SLC17A5: variants seen among roughly 807,000 people sequenced by gnomAD.
The protein encoded by SLC17A5 is solute carrier family 17 member 5.
SLC17A5 carries 47 observed loss-of-function variants against 59.4 expected under a neutral mutation model. The ratio of observed to expected loss-of-function variants is 0.79; its 90% CI spans 0.63 to 1.01. SLC17A5 has a LOEUF of 1.01. Among genes scored for constraint, SLC17A5 ranks in the 50% least tolerant of loss-of-function variants. SLC17A5 has a pLI of 0.00. For missense variants in SLC17A5, 522 were observed against 595.5 expected (o/e 0.88, Z 1.28); for synonymous variants, 202 against 210.7 (o/e 0.96, Z 0.36).
intron 1 of SLC17A5, among the ~76,000 whole-genome samples, chr6:73,652,767 C>T (rs1246579644): frequency 1.3e-5 from 2 of 150,936 alleles, no homozygotes; most frequent in African/African-American, 2.4e-5. Context: ...TATAAGGTTG[C>T]CACCTCTACT....
chr6:73,629,474 T>G (rs1347666095), intron 6 of SLC17A5, among the ~76,000 whole-genome samples: 4 of 151,496 alleles, frequency 2.6e-5, no homozygotes, highest in Admixed American at 2.6e-4. Flanking sequence ...ATCCTTGGAA[T>G]TAAGAAAAGA....
At position 73,653,741 on chromosome 6, in the gene SLC17A5, C is replaced by T. The variant is rs1769981317; in HGVS notation, c.94+52G>A. The stretch of plus-strand genomic sequence containing the variant: ...CGGGCCATGCCGGCCCAGAGACCGC[C>T]GCCCCCGGTACCGCTGCCCACTCGA... On this transcript the variant is annotated intron_variant, in intron 1 of 10. Transcript: ENST00000355773. 10 of 1,500,152 alleles carry T rather than the reference C, an allele frequency of 6.7e-6. No individual in the cohort carries two copies. The East Asian group carries it at 2.5e-4, about 37-fold the overall frequency. 92.9% of individuals were successfully genotyped at this position (1,500,152 alleles called of 1,614,324 possible).
Position 73,641,856 on chromosome 6 carries a change from G to A in SLC17A5, c.360C>T (p.Ile120=). The part of the protein sequence containing the change: ...WILGSFFYGY[I]ITQIPGGYVA... Reference sequence around the variant, plus strand: ...CATATCCTCCAGGAATCTGTGTGATGATGTAGCCATAAAAAAAGGAACCGA... The same window carrying A: ...CATATCCTCCAGGAATCTGTGTGATAATGTAGCCATAAAAAAAGGAACCGA... Residue 120 remains isoleucine, a synonymous_variant, in exon 3 of 11, where the codon ATC becomes ATT. Coordinates refer to ENST00000355773, the MANE Select transcript of SLC17A5 (RefSeq NM_012434.5). 3 of 1,614,136 alleles carry A rather than the reference G, an allele frequency of 1.9e-6. No individual in the cohort carries two copies. Among genetic ancestry groups the A allele is most frequent in the Non-Finnish European group, 2.5e-6 (3 of 1,180,034 alleles).
chr6:73,644,423 A>G lies in SLC17A5; in HGVS notation c.275T>C (p.Val92Ala), dbSNP rs2150120727. 1 of 1,613,600 alleles carries G rather than the reference A, an allele frequency of 6.2e-7. No individual in the cohort carries two copies. The highest frequency in any genetic ancestry group is 8.5e-7 in the Non-Finnish European group (1 of 1,179,772). Reference protein sequence around the residue: ...ACPEHSAPIKVHHNQTGKKYQ... With the variant: ...ACPEHSAPIKAHHNQTGKKYQ... ...AGCACCTACCGTTTGATTATGATGA[A>G]CTTTTATGGGAGCAGAATGCTCTGG... Residue 92 changes from valine to alanine, a missense_variant, in exon 2 of 11, where the codon GTT (valine) becomes GCT (alanine). Transcript: ENST00000355773.
intron 9 of SLC17A5, among the ~76,000 whole-genome samples, chr6:73,601,589 A>G (rs1767103971): frequency 1.2e-5 from 1 of 81,906 alleles, no homozygotes; most frequent in Admixed American, 1.1e-4. Flanking sequence ...CCTACTGGGA[A>G]GTGAGGAGCC....
chr6:73,637,785 A>G (rs1769091398), intron 4 of SLC17A5, among the ~76,000 whole-genome samples: 1 of 152,126 alleles, frequency 6.6e-6, no homozygotes. Flanking sequence ...TTTCTCAACT[A>G]CTGTATTTAA....
intron 9 of SLC17A5, among the ~76,000 whole-genome samples, chr6:73,600,646 C>T (rs1767016088): frequency 6.6e-6 from 1 of 151,836 alleles, no homozygotes; most frequent in South Asian, 2.1e-4. Flanking sequence ...GGACTACAGG[C>T]ATCCACCATC....
intron 6 of SLC17A5, among the ~76,000 whole-genome samples, chr6:73,625,898 C>T (rs584078): frequency 3.7e-3 from 570 of 152,186 alleles, no homozygotes; most frequent in African/African-American, 0.013. Flanking sequence ...AAGTTTGGGA[C>T]CCACTGCTGT....
At chr6:73,617,615 A>G (rs1281227446) in intron 7 of SLC17A5, among the ~76,000 whole-genome samples, 2 of 152,106 alleles carry the variant, frequency 1.3e-5, no homozygotes, top group African/African-American at 4.8e-5. Flanking sequence ...AGGCCAAGGC[A>G]GGCAGATCAC....
chr6:73,653,680 G>T, intron 1 of SLC17A5, 113 bp downstream of exon 1: 2 of 1,171,378 alleles, frequency 1.7e-6, no homozygotes, highest in Non-Finnish European at 1.2e-6. Context: ...TCGCGCCTGA[G>T]CAGCTCCGGT....
intron 1 of SLC17A5, among the ~76,000 whole-genome samples, chr6:73,650,192 T>C (rs1322403275): frequency 9.6e-6 from 1 of 103,956 alleles, no homozygotes; most frequent in Non-Finnish European, 1.9e-5. Context: ...GAGACCTTTT[T>C]TCTACAAAAA....
At chr6:73,649,020 T>TG (rs1472867561) in intron 1 of SLC17A5, among the ~76,000 whole-genome samples, 1 of 150,918 alleles carries the variant, frequency 6.6e-6, no homozygotes, top group Non-Finnish European at 1.5e-5. Flanking sequence ...TTTTTGGAGA[T>TG]GGAGTCTTTC....
chr6:73,600,250 A>G (rs1329038658), intron 10 of SLC17A5, 101 bp downstream of exon 10: 1 of 910,832 alleles, frequency 1.1e-6, no homozygotes, highest in African/African-American at 1.7e-5. Flanking sequence ...AGAATTTCAT[A>G]AGAACATTTA....
At chr6:73,644,709 C>G in intron 1 of SLC17A5, 106 bp from the exon 2 acceptor site, 1 of 1,040,128 alleles carries the variant, frequency 9.6e-7, no homozygotes. Context: ...TGGGCTCAAG[C>G]CATCCACCCA....
chr6:73,603,831 T>C (rs1402216868), intron 9 of SLC17A5, among the ~76,000 whole-genome samples: 3 of 152,142 alleles, frequency 2.0e-5, no homozygotes, highest in African/African-American at 7.2e-5. Context: ...ACCTCCTGTA[T>C]TTCCTGTACA....
intron 7 of SLC17A5, among the ~76,000 whole-genome samples, chr6:73,615,880 C>CTTTTTTGTT (rs1561990017): frequency 2.0e-5 from 2 of 97,578 alleles, no homozygotes; most frequent in South Asian, 3.8e-4. Context: ...ATGAATCATT[C>CTTTTTTGTT]TTTTTTTTTT....
At chr6:73,651,460 CAAAAAAA>C (rs538079302) in intron 1 of SLC17A5, among the ~76,000 whole-genome samples, 19 of 29,892 alleles carry the variant, frequency 6.4e-4, no homozygotes, top group Admixed American at 3.0e-3. Flanking sequence ...AACTCCGTCT[CAAAAAAA>C]AAAAAAAAAA....
chr6:73,612,742 T>C (rs1767686525), intron 8 of SLC17A5, among the ~76,000 whole-genome samples: 1 of 152,048 alleles, frequency 6.6e-6, no homozygotes, highest in Non-Finnish European at 1.5e-5. Context: ...GCCTAACTGA[T>C]TAGATAGTTT....
intron 9 of SLC17A5, among the ~76,000 whole-genome samples, chr6:73,601,808 G>A (rs1235186611): frequency 1.3e-4 from 20 of 149,312 alleles, no homozygotes; most frequent in African/African-American, 4.7e-4. Context: ...CCGTCCGGGA[G>A]GGAGGTGGGG....
Sources: gnomAD v4.1 joint callset for allele counts (sites outside exome capture counted in the v4.1 genomes callset) on GRCh38, gnomAD v4.1.1 for gene constraint, MANE v1.5 for transcripts, NCBI Gene and HGNC (gene_info 2026-07-23, HGNC 2026-07-21) for gene names.